The following ZFYVE9 variants were observed in gnomAD, a reference collection of about 807,000 sequenced individuals.
ZFYVE9 encodes zinc finger FYVE-type containing 9.
Under a neutral mutation model 126.7 loss-of-function variants are expected in ZFYVE9, and 43 were observed. The observed-to-expected ratio is 0.34, with a 90% CI of 0.27 to 0.44. The LOEUF (loss-of-function observed/expected upper bound fraction) is 0.44, where lower values mean the gene tolerates loss of function less well. ZFYVE9 is among the 20% of genes least tolerant of loss of function. The probability of loss-of-function intolerance (pLI) is 1.00; values close to 1 mark genes in which losing one functional copy is unlikely to be tolerated. For missense variants in ZFYVE9, 1,476 were observed against 1,697.0 expected (o/e 0.87, Z 2.29); for synonymous variants, 521 against 597.4 (o/e 0.87, Z 1.87).
chr1:52,226,800 G>A (rs1406102307), intron 2 of ZFYVE9, among the ~76,000 whole-genome samples: 2 of 152,220 alleles, frequency 1.3e-5, no homozygotes, highest in Admixed American at 6.5e-5. Context: ...ACTGGAAGCA[G>A]GGAGTGGGCT....
At chr1:52,270,506 T>C (rs796263514) in intron 7 of ZFYVE9, among the ~76,000 whole-genome samples, 1 of 152,294 alleles carries the variant, frequency 6.6e-6, no homozygotes, top group African/African-American at 2.4e-5. Flanking sequence ...CCTCCTGATC[T>C]GCCCTCCTTG....
chr1:52,165,573 G>A (rs961678285), intron 1 of ZFYVE9, among the ~76,000 whole-genome samples: 1 of 152,126 alleles, frequency 6.6e-6, no homozygotes, highest in African/African-American at 2.4e-5. Flanking sequence ...ATAGGTAAAT[G>A]GGAGATAGAA....
At chr1:52,167,793 G>A (rs181469215) in intron 1 of ZFYVE9, among the ~76,000 whole-genome samples, 32 of 152,258 alleles carry the variant, frequency 2.1e-4, no homozygotes, top group Admixed American at 2.0e-3. Context: ...CTTCAAGAGA[G>A]CCTTCATGAT....
At chr1:52,256,219 C>T (rs1645517826) in intron 4 of ZFYVE9, among the ~76,000 whole-genome samples, 1 of 151,952 alleles carries the variant, frequency 6.6e-6, no homozygotes. Context: ...GCGTGTGCCA[C>T]CACCACGCCT....
In ZFYVE9 at chr1:52,238,941, A is replaced by G; in HGVS notation, c.1524A>G (p.Ile508Met). 3 of 1,614,062 alleles carry G rather than the reference A, an allele frequency of 1.9e-6. No individual in the cohort carries two copies. Among genetic ancestry groups the G allele is most frequent in the Non-Finnish European group, 2.5e-6 (3 of 1,179,998 alleles). The change falls in exon 4 of 19, where the codon ATA becomes ATG. Residue 508 changes from isoleucine (I) to methionine (M), a missense_variant. Around this residue, in one of 2 missense-constraint regions of ZFYVE9, gnomAD observed 807 missense variants for 794.6 expected, o/e 1.02. Transcript: ENST00000287727. ...ATTCAGTAACAGAAGAAAAAGAAATAGAGGAAAGCAAGTCAGAATGCTACT... is the reference window on the plus strand; with the variant it reads ...ATTCAGTAACAGAAGAAAAAGAAATGGAGGAAAGCAAGTCAGAATGCTACT... Reference protein sequence around the residue: ...KEDSVTEEKEIEESKSECYSN... With the variant: ...KEDSVTEEKEMEESKSECYSN...
At chr1:52,293,776 C>T in intron 11 of ZFYVE9, 99 bp downstream of exon 11, 1 of 1,186,942 alleles carries the variant, frequency 8.4e-7, no homozygotes, top group African/African-American at 1.5e-5. Flanking sequence ...CAGAAATAGT[C>T]TTTTGAAATA....
intron 2 of ZFYVE9, among the ~76,000 whole-genome samples, chr1:52,227,356 T>A (rs1645180044): frequency 2.9e-5 from 1 of 35,052 alleles, no homozygotes; most frequent in Non-Finnish European, 4.7e-5. Flanking sequence ...ATCTCATCCT[T>A]CAGGCGTTGC....
At chr1:52,295,750 A>G (rs1569696756) in intron 11 of ZFYVE9, 145 bp from the exon 12 acceptor site, 3 of 604,900 alleles carry the variant, frequency 5.0e-6, no homozygotes, top group East Asian at 6.0e-5. Flanking sequence ...GTCTGCTACC[A>G]TGCCAAATAC....
At chr1:52,284,430 T>C (rs1645834473) in intron 10 of ZFYVE9, among the ~76,000 whole-genome samples, 1 of 152,050 alleles carries the variant, frequency 6.6e-6, no homozygotes, top group Non-Finnish European at 1.5e-5. Context: ...TAAATTTTTT[T>C]TTTTTTTGAG....
intron 12 of ZFYVE9, 93 bp downstream of exon 12, chr1:52,296,070 A>C: frequency 1.9e-6 from 2 of 1,080,578 alleles, no homozygotes; most frequent in Non-Finnish European, 2.8e-6. Context: ...AGCTGTGCCC[A>C]AGCTGCTTAA....
intron 13 of ZFYVE9, among the ~76,000 whole-genome samples, chr1:52,321,901 T>C (rs1284781221): frequency 1.3e-5 from 2 of 152,260 alleles, no homozygotes; most frequent in African/African-American, 2.4e-5. Context: ...TTTGCCTCTA[T>C]ACATTTCCTT....
At chr1:52,268,251 A>G (rs1334430742) in intron 6 of ZFYVE9, among the ~76,000 whole-genome samples, 1 of 152,236 alleles carries the variant, frequency 6.6e-6, no homozygotes, top group Non-Finnish European at 1.5e-5. Flanking sequence ...CTCTTTGCAT[A>G]TAAGTTAAAC....
intron 7 of ZFYVE9, 111 bp from the exon 8 acceptor site, chr1:52,274,353 A>G (rs891439225): frequency 7.4e-7 from 1 of 1,351,920 alleles, no homozygotes; most frequent in Non-Finnish European, 9.9e-7. Context: ...CTACCTTTCA[A>G]AAAGTATGAA....
In ZFYVE9 at chr1:52,142,195, C is replaced by T. The variant is rs942514129; in HGVS notation, c.-351C>T. 2.0e-5 allele frequency: 3 copies of T among 151,482 alleles called. No individual in the cohort carries two copies. The highest frequency in any genetic ancestry group is 7.2e-5 in the African/African-American group (3 of 41,388). The allele number at this position is 151,482 out of a possible 1,614,324, so 9.4% of individuals were successfully genotyped here. Reference sequence around the variant, plus strand: ...CTCGGCGGCGCTCCTCCGGGATCCGCGTGGCTGCCGCGGCCCGGGCGCCGA... The same window carrying T: ...CTCGGCGGCGCTCCTCCGGGATCCGTGTGGCTGCCGCGGCCCGGGCGCCGA... On this transcript the variant is annotated 5_prime_UTR_variant, in exon 1 of 19. Coordinates refer to ENST00000287727, the MANE Select transcript of ZFYVE9 (RefSeq NM_004799.4). The surrounding 1 kb of genome is among the most constrained non-coding windows in gnomAD (Gnocchi z 4.5).
chr1:52,240,743 G>T (rs1645325324), intron 4 of ZFYVE9, among the ~76,000 whole-genome samples: 1 of 152,090 alleles, frequency 6.6e-6, no homozygotes, highest in Non-Finnish European at 1.5e-5. Flanking sequence ...ACTGGCTGGG[G>T]GGCAAAAGAG....
chr1:52,177,307 C>T (rs938849097), intron 1 of ZFYVE9, among the ~76,000 whole-genome samples: 1 of 152,136 alleles, frequency 6.6e-6, no homozygotes, highest in East Asian at 1.9e-4. Context: ...GAGCTACCAA[C>T]CTGGCTAATT....
intron 4 of ZFYVE9, among the ~76,000 whole-genome samples, chr1:52,258,174 T>C (rs1450916136): frequency 2.0e-5 from 3 of 152,172 alleles, no homozygotes; most frequent in African/African-American, 7.2e-5. Context: ...TACATTCTAG[T>C]GTGGGGAAAT....
rs189279424 is a variant in ZFYVE9, at chr1:52,304,545, G to A, written c.3438+620G>A. Among the ~76,000 whole-genome samples, 533 of 152,248 alleles carry A rather than the reference G, an allele frequency of 3.5e-3. 2 individuals carry two copies. The highest frequency in any genetic ancestry group is 0.012 in the African/African-American group (505 of 41,536). ...CCCAAAGTGCTGGGATTACAGGCAC[G>A]AGCCACTGTGCCCAGCCGGGTTTCT... On this transcript the variant is annotated intron_variant, in intron 13 of 18. Coordinates refer to ENST00000287727, the MANE Select transcript of ZFYVE9 (RefSeq NM_004799.4).
chr1:52,266,591 G>A (rs1377826218), intron 5 of ZFYVE9, 64 bp from the exon 6 acceptor site: 1 of 1,378,914 alleles, frequency 7.3e-7, no homozygotes, highest in Non-Finnish European at 9.8e-7. Context: ...ATCCAATATT[G>A]TGGAGGTCTT....
Sources: allele counts gnomAD v4.1 joint callset (sites outside exome capture counted in the v4.1 genomes callset), GRCh38; gene constraint gnomAD v4.1.1; regional missense constraint gnomAD v4.1.1; non-coding constraint Gnocchi (gnomAD v3.1); transcripts MANE v1.5; gene names NCBI Gene and HGNC (gene_info 2026-07-23, HGNC 2026-07-21).